The following SFXN1 variants were observed in gnomAD, a reference collection of about 807,000 sequenced individuals.
The protein encoded by SFXN1 is sideroflexin-1.
In SFXN1, 32 loss-of-function variants were observed where a neutral mutation model predicts 39.5. The observed-to-expected ratio is 0.81, with a 90% CI of 0.61 to 1.09. The LOEUF is 1.09. Among genes scored for constraint, SFXN1 ranks in the 50% least tolerant of loss-of-function variants. The pLI is 0.00. For synonymous variants in SFXN1, 136 were observed against 146.5 expected, an observed-to-expected ratio of 0.93 and a Z score of 0.52; for missense variants, 402 against 407.1, an observed-to-expected ratio of 0.99 and a Z score of 0.11.
In SFXN1 at chr5:175,509,051, G is replaced by C; in HGVS notation, c.184G>C (p.Gly62Arg). Residue 62 changes from glycine (G) to arginine (R), a missense_variant, in exon 3 of 11, where the codon GGT (glycine) becomes CGT (arginine). Transcript: ENST00000321442. ...TCTTAGGCAAGGAATTGTTCCTCCT[G>C]GTCTTACAGAAAATGAATTGTGGAG... ...HDYRQGIVPPGLTENELWRAK... is the reference protein window; with the variant it reads ...HDYRQGIVPPRLTENELWRAK... The C allele has an allele frequency of 6.2e-7, 1 of 1,608,746 alleles. No homozygotes were observed. Among genetic ancestry groups the C allele is most frequent in the African/African-American group, 1.3e-5 (1 of 74,750 alleles).
chr5:175,523,182 A>G (rs1413711733), intron 10 of SFXN1: 1 of 152,272 alleles, frequency 6.6e-6, no homozygotes, highest in Non-Finnish European at 1.5e-5. Flanking sequence ...TACCTGATCG[A>G]GAACTCCACC....
chr5:175,485,823 C>T (rs1759429564), intron 1 of SFXN1, among the ~76,000 whole-genome samples: 1 of 152,210 alleles, frequency 6.6e-6, no homozygotes, highest in Admixed American at 6.5e-5. Flanking sequence ...TCAAGAACTC[C>T]TGCTGCTTCC....
In SFXN1 at chr5:175,529,526, C is replaced by A. The variant is rs1761187694; in HGVS notation, c.*2792C>A. On this transcript the variant is annotated 3_prime_UTR_variant, in exon 11 of 11. Coordinates refer to ENST00000321442, the MANE Select transcript of SFXN1 (RefSeq NM_022754.7). The stretch of plus-strand genomic sequence containing the variant: ...TGCCGATCTTTTAGAAATACCTTTT[C>A]TGGAGAAAAAAAAATCCACATGAAG... 6.8e-6 allele frequency: 1 copy of A among 146,454 alleles called. No homozygotes were observed. The highest frequency in any genetic ancestry group is 2.3e-4 in the South Asian group (1 of 4,436). The allele number at this position is 146,454 out of a possible 1,614,324, so 9.1% of individuals were successfully genotyped here.
chr5:175,485,840 G>A (rs1210206263), intron 1 of SFXN1, among the ~76,000 whole-genome samples: 1 of 152,200 alleles, frequency 6.6e-6, no homozygotes, highest in Non-Finnish European at 1.5e-5. Context: ...TTCCCTTGCT[G>A]GAAAGATGGG....
chr5:175,489,358 A>T (rs575437421), intron 1 of SFXN1, among the ~76,000 whole-genome samples: 2 of 152,330 alleles, frequency 1.3e-5, no homozygotes, highest in East Asian at 3.9e-4. Flanking sequence ...AATGTGGCTC[A>T]TGGACAGGAG....
intron 8 of SFXN1, among the ~76,000 whole-genome samples, chr5:175,518,167 G>T (rs1278910413): frequency 6.6e-6 from 1 of 152,108 alleles, no homozygotes; most frequent in Non-Finnish European, 1.5e-5. Context: ...CAGTTTTCTT[G>T]AAGAATAGTT....
intron 2 of SFXN1, among the ~76,000 whole-genome samples, chr5:175,502,861 T>TA (rs1554100914): frequency 3.3e-5 from 5 of 151,198 alleles, no homozygotes; most frequent in Middle Eastern, 3.4e-3. Flanking sequence ...ATAATAATAA[T>TA]AATAAATAAA....
chr5:175,524,268 A>T (rs1395812464), intron 10 of SFXN1, among the ~76,000 whole-genome samples: 7 of 150,370 alleles, frequency 4.7e-5, no homozygotes, highest in African/African-American at 1.7e-4. Context: ...CTTGCATTTT[A>T]TATTTGTGTA....
intron 8 of SFXN1, among the ~76,000 whole-genome samples, chr5:175,517,334 T>A (rs1257445283): frequency 6.6e-6 from 1 of 152,042 alleles, no homozygotes; most frequent in East Asian, 1.9e-4. Context: ...CCTTTGATCA[T>A]CATTTGGAAG....
intron 10 of SFXN1, among the ~76,000 whole-genome samples, chr5:175,524,896 A>T (rs1761013197): frequency 6.6e-6 from 1 of 152,230 alleles, no homozygotes; most frequent in Non-Finnish European, 1.5e-5. Flanking sequence ...AGATTTGAAA[A>T]CAAGCAAAAT....
chr5:175,511,674 C>T, intron 5 of SFXN1, 148 bp downstream of exon 5: 1 of 682,594 alleles, frequency 1.5e-6, no homozygotes, highest in Non-Finnish European at 2.5e-6. Flanking sequence ...TTAGTTATAT[C>T]TTCCAATAAG....
At chr5:175,505,845 G>A (rs1047948554) in intron 2 of SFXN1, among the ~76,000 whole-genome samples, 3 of 152,148 alleles carry the variant, frequency 2.0e-5, no homozygotes, top group African/African-American at 7.2e-5. Flanking sequence ...TTGAGACTTA[G>A]TTTCATTCTT....
intron 2 of SFXN1, among the ~76,000 whole-genome samples, chr5:175,497,812 C>G (rs958181219): frequency 6.6e-6 from 1 of 151,950 alleles, no homozygotes; most frequent in Non-Finnish European, 1.5e-5. Context: ...CACCTGTAAT[C>G]CCAGCTACTG....
At chr5:175,516,752 A>G in intron 8 of SFXN1, 89 bp downstream of exon 8, 1 of 1,351,948 alleles carries the variant, frequency 7.4e-7, no homozygotes, top group Non-Finnish European at 1.0e-6. Flanking sequence ...CCTAAACAGT[A>G]AAGAAGCCGA....
chr5:175,506,636 AATACT>A (rs556199558), intron 2 of SFXN1, among the ~76,000 whole-genome samples: 10 of 152,268 alleles, frequency 6.6e-5, no homozygotes, highest in African/African-American at 2.4e-4. Flanking sequence ...CATGTAGGAG[AATACT>A]ATACAGTACT....
chr5:175,499,147 C>T (rs750805891), intron 2 of SFXN1, among the ~76,000 whole-genome samples: 3 of 151,684 alleles, frequency 2.0e-5, no homozygotes, highest in Admixed American at 6.6e-5. Context: ...CCCAGCTACT[C>T]GGGAGGCTGA....
intron 8 of SFXN1, 176 bp from the exon 9 acceptor site, chr5:175,521,743 A>G: frequency 2.0e-6 from 1 of 504,846 alleles, no homozygotes; most frequent in East Asian, 2.8e-5. Context: ...TACAGATCAA[A>G]GAAGGTTACA....
intron 8 of SFXN1, among the ~76,000 whole-genome samples, chr5:175,521,446 C>G (rs1324080628): frequency 6.6e-6 from 1 of 152,188 alleles, no homozygotes; most frequent in Non-Finnish European, 1.5e-5. Flanking sequence ...TCTTCATCCA[C>G]ACACTTTTAG....
At chr5:175,501,898 T>C (rs2113307243) in intron 2 of SFXN1, among the ~76,000 whole-genome samples, 1 of 152,328 alleles carries the variant, frequency 6.6e-6, no homozygotes, top group East Asian at 1.9e-4. Context: ...GAGGAATTCA[T>C]GCAGAGCCGG....
Sources: allele counts gnomAD v4.1 joint callset (sites outside exome capture counted in the v4.1 genomes callset), GRCh38; gene constraint gnomAD v4.1.1; transcripts MANE v1.5; gene names NCBI Gene and HGNC (gene_info 2026-07-23, HGNC 2026-07-21).